Variants in DTNA observed in about 807,000 individuals in gnomAD.
DTNA encodes the protein dystrobrevin alpha, also known as dystrophin-related protein 3.
A neutral mutation model predicts 100.7 loss-of-function variants in DTNA; 43 were observed. The observed-to-expected ratio is 0.43, with a 90% CI of 0.33 to 0.55. DTNA has a LOEUF of 0.55. Ranked by LOEUF, DTNA falls within the 20% of genes least tolerant of loss-of-function variation. DTNA has a pLI of 0.04. For missense variants in DTNA, 798 were observed against 953.9 expected, an observed-to-expected ratio of 0.84 and a Z score of 2.15; for synonymous variants, 349 against 347.9, an observed-to-expected ratio of 1.00 and a Z score of -0.04.
chr18:34,812,228 G>A, intron 6 of DTNA, 115 bp downstream of exon 6: 1 of 1,456,242 alleles, frequency 6.9e-7, no homozygotes, highest in Non-Finnish European at 9.4e-7. Flanking sequence ...ATAGCAACCT[G>A]TATTGTATTT....
At chr18:34,834,025 T>C (rs1264576045) in intron 11 of DTNA, among the ~76,000 whole-genome samples, 1 of 152,226 alleles carries the variant, frequency 6.6e-6, no homozygotes, top group Non-Finnish European at 1.5e-5. Flanking sequence ...AATTAGAAAC[T>C]TAATTTCTCC....
At chr18:34,694,557 C>G (rs1414314047) in intron 1 of DTNA, among the ~76,000 whole-genome samples, 1 of 152,138 alleles carries the variant, frequency 6.6e-6, no homozygotes, top group Non-Finnish European at 1.5e-5. Context: ...TATTTCTAAC[C>G]ATTCTCTAAC....
chr18:34,783,844 G>A (rs1049270334), intron 3 of DTNA, among the ~76,000 whole-genome samples: 1 of 152,138 alleles, frequency 6.6e-6, no homozygotes, highest in African/African-American at 2.4e-5. Context: ...TAAGAGGCCT[G>A]AACAAGGGCA....
intron 1 of DTNA, among the ~76,000 whole-genome samples, chr18:34,540,357 A>G (rs2044133773): frequency 6.6e-6 from 1 of 152,048 alleles, no homozygotes; most frequent in African/African-American, 2.4e-5. Flanking sequence ...GGATATTAGC[A>G]TTTATTTCTG....
chr18:34,586,398 GT>G (rs927945060), intron 1 of DTNA, among the ~76,000 whole-genome samples: 1 of 149,460 alleles, frequency 6.7e-6, no homozygotes, highest in East Asian at 1.9e-4. Flanking sequence ...GTCTTGTCGG[GT>G]TTTTTTTGTT....
chr18:34,654,287 A>T (rs1425098238), intron 1 of DTNA, among the ~76,000 whole-genome samples: 3 of 152,234 alleles, frequency 2.0e-5, no homozygotes, highest in Non-Finnish European at 4.4e-5. Context: ...ATTTCAATGT[A>T]GTTACTTCCC....
Position 34,713,555 on chromosome 18 carries a change from G to A in DTNA, c.-2+3110G>A, listed in dbSNP as rs371513409. On this transcript the variant is annotated intron_variant, in intron 1 of 22. Transcript: ENST00000444659. ...CTGTAGCCTTGTAGTATAGTTTGAA[G>A]TCAGGTAGTGTGATGCCTCCAGCTT... Among the ~76,000 whole-genome samples, 1,120 of 151,848 alleles carry A rather than the reference G, an allele frequency of 7.4e-3. 13 individuals are homozygous for A. Among genetic ancestry groups the A allele is most frequent in the African/African-American group, 0.025 (1,044 of 41,390 alleles).
intron 20 of DTNA, 75 bp from the exon 21 acceptor site, chr18:34,881,994 C>G (rs1256239861): frequency 2.3e-5 from 37 of 1,605,082 alleles, no homozygotes; most frequent in Non-Finnish European, 3.0e-5. Flanking sequence ...AACGAAACTA[C>G]AGCTCACACA....
At chr18:34,649,924 G>GT (rs996123117) in intron 1 of DTNA, among the ~76,000 whole-genome samples, 1 of 152,112 alleles carries the variant, frequency 6.6e-6, no homozygotes, top group Admixed American at 6.6e-5. Context: ...ACTTCAGTTT[G>GT]TATGTGGTTG....
intron 17 of DTNA, chr18:34,867,350 G>T: frequency 1.6e-6 from 2 of 1,229,914 alleles, no homozygotes; most frequent in Non-Finnish European, 2.0e-6. Flanking sequence ...TTTGTATTTT[G>T]TGAAAAAAAT....
At chr18:34,547,350 TC>T (rs35292866) in intron 1 of DTNA, among the ~76,000 whole-genome samples, 3 of 152,156 alleles carry the variant, frequency 2.0e-5, no homozygotes, top group East Asian at 3.9e-4. Context: ...TGCCTTCATT[TC>T]CCCCAACGTT....
intron 4 of DTNA, among the ~76,000 whole-genome samples, chr18:34,797,437 G>A (rs1040184225): frequency 6.6e-6 from 1 of 152,002 alleles, no homozygotes; most frequent in Non-Finnish European, 1.5e-5. Context: ...CCTTTCCTCC[G>A]ATCACCCCAG....
At chr18:34,653,142 A>G (rs1212561856) in intron 1 of DTNA, among the ~76,000 whole-genome samples, 2 of 152,176 alleles carry the variant, frequency 1.3e-5, no homozygotes, top group African/African-American at 2.4e-5. Flanking sequence ...TTGAAACTGT[A>G]TCACCACTGC....
At chr18:34,506,674 G>C (rs1291652016) in intron 1 of DTNA, among the ~76,000 whole-genome samples, 3 of 152,072 alleles carry the variant, frequency 2.0e-5, no homozygotes, top group Admixed American at 1.3e-4. Context: ...GGCATTTCTG[G>C]GTTTCCAGTT....
chr18:34,505,454 A>C (rs992846539), intron 1 of DTNA, among the ~76,000 whole-genome samples: 3 of 152,152 alleles, frequency 2.0e-5, no homozygotes, highest in Admixed American at 2.0e-4. Context: ...ATTCTGCTGA[A>C]TATCTTTGGG....
At chr18:34,579,211 A>G (rs933256130) in intron 1 of DTNA, among the ~76,000 whole-genome samples, 2 of 152,108 alleles carry the variant, frequency 1.3e-5, no homozygotes, top group Non-Finnish European at 2.9e-5. Flanking sequence ...CTGGTCATGT[A>G]TTTTATTTAC....
intron 1 of DTNA, among the ~76,000 whole-genome samples, chr18:34,594,827 C>T (rs949863830): frequency 6.6e-6 from 1 of 152,146 alleles, no homozygotes; most frequent in Non-Finnish European, 1.5e-5. Context: ...CTCAGTCCTC[C>T]TTATCCCTCC....
Position 34,890,193 on chromosome 18 carries a change from T to G in DTNA, c.*2459T>G. On this transcript the variant is annotated 3_prime_UTR_variant, in exon 23 of 23. Transcript: ENST00000444659. Reference sequence around the variant, plus strand: ...CATAGCTATTTCATTGCCAACCAACTCCATCACATGGTTGTTGATATCGTC... The same window carrying G: ...CATAGCTATTTCATTGCCAACCAACGCCATCACATGGTTGTTGATATCGTC... 1.4e-6 allele frequency: 2 copies of G among 1,447,670 alleles called. No homozygotes were observed. Among genetic ancestry groups the G allele is most frequent in the Non-Finnish European group, 1.8e-6 (2 of 1,105,866 alleles). The allele number at this position is 1,447,670 out of a possible 1,614,324, so 89.7% of individuals were successfully genotyped here.
intron 1 of DTNA, among the ~76,000 whole-genome samples, chr18:34,591,170 A>G (rs941470037): frequency 2.0e-5 from 3 of 152,162 alleles, no homozygotes; most frequent in Non-Finnish European, 4.4e-5. Context: ...CTCTTAACAA[A>G]TATTTGCCAC....
Sources: gnomAD v4.1 joint callset for allele counts (sites outside exome capture counted in the v4.1 genomes callset) on GRCh38, gnomAD v4.1.1 for gene constraint, MANE v1.5 for transcripts, NCBI Gene and HGNC (gene_info 2026-07-23, HGNC 2026-07-21) for gene names.